ZNF385D: variants seen among roughly 807,000 people sequenced by gnomAD.
ZNF385D encodes the protein zinc finger protein 659.
ZNF385D carries 15 observed loss-of-function variants against 35.8 expected under a neutral mutation model. That is an observed-to-expected ratio of 0.42 (90% CI 0.28 to 0.64). ZNF385D has a LOEUF of 0.64. Ranked by LOEUF, ZNF385D falls within the 30% of genes least tolerant of loss-of-function variation. ZNF385D has a pLI of 0.23. For missense variants in ZNF385D, 474 were observed against 494.6 expected, an observed-to-expected ratio of 0.96 and a Z score of 0.39; for synonymous variants, 212 against 186.8, an observed-to-expected ratio of 1.13 and a Z score of -1.10.
At chr3:21,643,761 A>G (rs1347193036) in intron 2 of ZNF385D, among the ~76,000 whole-genome samples, 1 of 152,130 alleles carries the variant, frequency 6.6e-6, no homozygotes, top group Non-Finnish European at 1.5e-5. Context: ...TGATCCGCCG[A>G]GACCCTGTGG....
At chr3:22,114,676 G>A (rs2125652383) in intron 3 of ZNF385D, among the ~76,000 whole-genome samples, 1 of 152,176 alleles carries the variant, frequency 6.6e-6, no homozygotes, top group South Asian at 2.1e-4. Flanking sequence ...CCCAGGTCAG[G>A]GGTGAAGATG....
chr3:22,087,213 A>G (rs1187895566), intron 3 of ZNF385D, among the ~76,000 whole-genome samples: 1 of 150,486 alleles, frequency 6.6e-6, no homozygotes, highest in East Asian at 1.9e-4. Flanking sequence ...AAACAGTAAA[A>G]TTAAGCAATA....
In ZNF385D at chr3:22,118,615, C is replaced by T. The variant is rs569427880; in HGVS notation, c.325+50202G>A. The stretch of plus-strand genomic sequence containing the variant: ...TTCAACTTTTTTTTCCCAATGATAT[C>T]GGTAAGAGGTTAGGGAAATTCATTC... On this transcript the variant is annotated intron_variant, in intron 3 of 5. Coordinates refer to the ZNF385D transcript ENST00000494108. Among the ~76,000 whole-genome samples the T allele has an allele frequency of 5.3e-5, 8 of 151,820 alleles. No homozygotes were observed. In the South Asian group the frequency reaches 6.3e-4, roughly 12 times the overall value.
chr3:21,552,139 A>C (rs1192907516), intron 3 of ZNF385D, among the ~76,000 whole-genome samples: 1 of 152,210 alleles, frequency 6.6e-6, no homozygotes, highest in Non-Finnish European at 1.5e-5. Flanking sequence ...ATGGAAACAG[A>C]AAGATAAATT....
At chr3:21,892,640 A>G (rs1341167996) in intron 3 of ZNF385D, among the ~76,000 whole-genome samples, 1 of 152,168 alleles carries the variant, frequency 6.6e-6, no homozygotes, top group Non-Finnish European at 1.5e-5. Context: ...AGCTAAACAT[A>G]GGTCTTTAAC....
intron 3 of ZNF385D, among the ~76,000 whole-genome samples, chr3:21,941,666 T>C (rs556439162): frequency 2.0e-5 from 3 of 151,794 alleles, no homozygotes; most frequent in Admixed American, 1.3e-4. Context: ...TCCGGATAAT[T>C]TTTTGTATTT....
chr3:21,817,561 G>A (rs554539291), intron 3 of ZNF385D, among the ~76,000 whole-genome samples: 2 of 152,118 alleles, frequency 1.3e-5, no homozygotes, highest in Admixed American at 1.3e-4. Context: ...GCAGCCAACA[G>A]ACACATGAAA....
chr3:22,000,321 T>C (rs1695757763), intron 3 of ZNF385D, among the ~76,000 whole-genome samples: 1 of 151,140 alleles, frequency 6.6e-6, no homozygotes, highest in African/African-American at 2.4e-5. Context: ...AAAAAGGCCT[T>C]ATCTGAGGCA....
intron 3 of ZNF385D, among the ~76,000 whole-genome samples, chr3:21,846,490 T>G (rs1180993672): frequency 6.6e-6 from 1 of 152,014 alleles, no homozygotes; most frequent in Non-Finnish European, 1.5e-5. Flanking sequence ...TACCCAGAGT[T>G]TGCAATTATT....
At chr3:21,859,673 A>AT (rs3884133) in intron 3 of ZNF385D, among the ~76,000 whole-genome samples, 47,893 of 146,630 alleles carry the variant, frequency 0.33, 7,856 homozygotes, top group South Asian at 0.49. Flanking sequence ...CTCCAAAGGC[A>AT]TTTTTTTTTT....
chr3:21,811,526 T>C (rs1333363590), intron 3 of ZNF385D, among the ~76,000 whole-genome samples: 1 of 152,162 alleles, frequency 6.6e-6, no homozygotes, highest in East Asian at 1.9e-4. Context: ...GAATTCATAA[T>C]GATAGTAAAA....
intron 3 of ZNF385D, among the ~76,000 whole-genome samples, chr3:21,558,098 C>A (rs980625159): frequency 2.7e-5 from 4 of 147,066 alleles, no homozygotes; most frequent in African/African-American, 1.0e-4. Flanking sequence ...AAAATCAGCT[C>A]CTGGATTCAT....
At chr3:22,182,740 C>T (rs1415232258) in intron 2 of ZNF385D, among the ~76,000 whole-genome samples, 1 of 151,972 alleles carries the variant, frequency 6.6e-6, no homozygotes, top group East Asian at 1.9e-4. Context: ...TAAGTCTAGA[C>T]TGTTAAAAGA....
chr3:22,058,547 A>T (rs1390266313), intron 3 of ZNF385D, among the ~76,000 whole-genome samples: 2 of 152,242 alleles, frequency 1.3e-5, no homozygotes, highest in East Asian at 3.8e-4. Context: ...TGAGAGGCAG[A>T]TGAGATCTTG....
chr3:21,472,556 A>C (rs1703970433), intron 4 of ZNF385D, among the ~76,000 whole-genome samples: 1 of 152,192 alleles, frequency 6.6e-6, no homozygotes, highest in Non-Finnish European at 1.5e-5. Flanking sequence ...TTGTTAAATT[A>C]AAATAAATTT....
At chr3:21,590,009 G>A (rs2063923244) in intron 2 of ZNF385D, among the ~76,000 whole-genome samples, 1 of 152,114 alleles carries the variant, frequency 6.6e-6, no homozygotes, top group Admixed American at 6.6e-5. Flanking sequence ...ATGCTAGACT[G>A]TAAAGACTCA....
At chr3:22,264,704 G>A (rs986387947) in intron 2 of ZNF385D, among the ~76,000 whole-genome samples, 2 of 151,806 alleles carry the variant, frequency 1.3e-5, no homozygotes, top group Non-Finnish European at 2.9e-5. Flanking sequence ...TGCAGAACTT[G>A]GTACACCAAT....
chr3:21,899,373 G>T (rs1304225382), intron 3 of ZNF385D, among the ~76,000 whole-genome samples: 5 of 152,122 alleles, frequency 3.3e-5, no homozygotes, highest in Non-Finnish European at 7.4e-5. Flanking sequence ...CCGGGGAAAA[G>T]AATCTATTAG....
At chr3:21,803,643 C>T (rs999799406) in intron 3 of ZNF385D, among the ~76,000 whole-genome samples, 2 of 151,852 alleles carry the variant, frequency 1.3e-5, no homozygotes, top group Non-Finnish European at 2.9e-5. Context: ...ATATATCATC[C>T]CTGTCATAAT....
Sources: allele counts gnomAD v4.1 joint callset (sites outside exome capture counted in the v4.1 genomes callset), GRCh38; gene constraint gnomAD v4.1.1; transcripts MANE v1.5; gene names NCBI Gene and HGNC (gene_info 2026-07-23, HGNC 2026-07-21).